Variants in CTBP2 observed in about 807,000 individuals in gnomAD.
CTBP2 encodes the protein C-terminal binding protein 2.
A neutral mutation model predicts 80.3 loss-of-function variants in CTBP2; 30 were observed. That is an observed-to-expected ratio of 0.37 (90% CI 0.28 to 0.51). The LOEUF (loss-of-function observed/expected upper bound fraction) is 0.51. Ranked by LOEUF, CTBP2 falls within the 20% of genes least tolerant of loss-of-function variation. The pLI, the probability that CTBP2 is intolerant of heterozygous loss-of-function variation, is 0.93. For synonymous variants in CTBP2, 594 were observed against 587.4 expected (o/e 1.01, Z -0.16); for missense variants, 1,212 against 1,375.3 (o/e 0.88, Z 1.88).
chr10:125,065,587 G>C (rs538300888), intron 2 of CTBP2, among the ~76,000 whole-genome samples: 2 of 152,192 alleles, frequency 1.3e-5, no homozygotes, highest in East Asian at 3.9e-4. Flanking sequence ...TGTTTTTGTG[G>C]GTCTCTGAGC....
intron 2 of CTBP2, among the ~76,000 whole-genome samples, chr10:125,060,463 CGTGT>C (rs56032803): frequency 0.13 from 18,745 of 147,746 alleles, 1,466 homozygotes; most frequent in African/African-American, 0.23. Flanking sequence ...ATTCCCCCCA[CGTGT>C]GTGTGTGTGT....
At chr10:125,103,412 TAGTC>T (rs1297702256) in intron 2 of CTBP2, among the ~76,000 whole-genome samples, 2 of 152,220 alleles carry the variant, frequency 1.3e-5, no homozygotes, top group Admixed American at 6.5e-5. Flanking sequence ...TCTAAGTTCG[TAGTC>T]AGAGTCCTGC....
At chr10:125,161,069 G>C (rs1207448376), upstream of CTBP2, 8 of 74,818 alleles carry the variant, frequency 1.1e-4, no homozygotes, top group African/African-American at 5.8e-4. Context: ...CCTGTTTTTG[G>C]GGGGGGGGGG....
chr10:124,991,428 CAG>C (rs1423086367), intron 8 of CTBP2, among the ~76,000 whole-genome samples: 4 of 152,202 alleles, frequency 2.6e-5, no homozygotes, highest in East Asian at 1.9e-4. Context: ...CTCCACCCAA[CAG>C]GGGAATCTGG....
intron 2 of CTBP2, among the ~76,000 whole-genome samples, chr10:125,050,225 G>C (rs1962386176): frequency 6.6e-6 from 1 of 152,152 alleles, no homozygotes; most frequent in Non-Finnish European, 1.5e-5. Context: ...CAGCATCATG[G>C]GGCACCGGTA....
intron 1 of CTBP2, among the ~76,000 whole-genome samples, chr10:125,157,717 C>G (rs1052773349): frequency 3.3e-5 from 5 of 152,168 alleles, no homozygotes; most frequent in African/African-American, 1.2e-4. Flanking sequence ...TTTGTTTGCT[C>G]ATGTTATACT....
rs1850389782 is a variant in CTBP2 at position 125,100,144 on chromosome 10, T to C, written c.-102+10846A>G. On this transcript the variant is annotated intron_variant, in intron 2 of 10. Coordinates refer to the CTBP2 transcript ENST00000337195. ...ACATCAATTAGCATATTATAAAGAA[T>C]TTACTTCCATTTTCCCTTGACAGAT... Among the ~76,000 whole-genome samples the C allele has an allele frequency of 2.6e-5, 4 of 152,282 alleles. 1 individual carries two copies. In the South Asian group the frequency reaches 8.3e-4, roughly 32 times the overall value.
intron 2 of CTBP2, among the ~76,000 whole-genome samples, chr10:125,081,573 C>T (rs1847176874): frequency 6.6e-6 from 1 of 151,916 alleles, no homozygotes; most frequent in Admixed American, 6.6e-5. Flanking sequence ...GGTAAAATGT[C>T]ATTTGGAGAG....
At chr10:125,046,006 G>GCTACAATC (rs1303894455) in intron 2 of CTBP2, among the ~76,000 whole-genome samples, 1 of 151,962 alleles carries the variant, frequency 6.6e-6, no homozygotes, top group Non-Finnish European at 1.5e-5. Context: ...CCAACACAGG[G>GCTACAATC]CTACAATCCA....
At position 124,987,190 on chromosome 10, in the gene CTBP2, A is replaced by AAGAT. The variant is rs35084073; in HGVS notation, c.*2324_*2327dup. 0.16 allele frequency: 24,781 copies of AAGAT among 152,402 alleles called. 2,071 individuals carry two copies. The highest frequency in any genetic ancestry group is 0.22 in the African/African-American group (8,986 of 41,412). 9.4% of individuals were successfully genotyped at this position (152,402 alleles called of 1,614,324 possible). On this transcript the variant is annotated 3_prime_UTR_variant, in exon 9 of 9. Coordinates refer to ENST00000309035, the MANE Select transcript of CTBP2 (RefSeq NM_022802.3). Reference sequence around the variant, plus strand: ...TTAAAACAGCCATAATTATTGTCCCAAGATAGAATATAGTCCTTTTTCAAA... The same window carrying AAGAT: ...TTAAAACAGCCATAATTATTGTCCCAAGATAGATAGAATATAGTCCTTTTTCAAA...
At position 125,098,754 on chromosome 10, in the gene CTBP2, GAGAGAGAGAGAGAGAGAGAGAGAGAC is replaced by G. The variant is rs1850115190; in HGVS notation, c.-102+12210_-102+12235del. Among the ~76,000 whole-genome samples, 74 of 126,422 alleles carry G rather than the reference GAGAGAGAGAGAGAGAGAGAGAGAGAC, an allele frequency of 5.9e-4. 1 individual carries two copies. Among genetic ancestry groups the G allele is most frequent in the African/African-American group, 2.2e-3 (68 of 31,468 alleles). The allele number at this position is 126,422 out of a possible 152,430, so 82.9% of individuals were successfully genotyped here. On this transcript the variant is annotated intron_variant, in intron 2 of 10. Coordinates refer to the CTBP2 transcript ENST00000337195. The stretch of plus-strand genomic sequence containing the variant: ...AGAGAGAGAGAGAGAGAGAGACAGA[GAGAGAGAGAGAGAGAGAGAGAGAGAC>G]AGAGAGAGAGACAGAGAGACACCCA...
At chr10:125,101,991 C>CT (rs1290645854) in intron 2 of CTBP2, among the ~76,000 whole-genome samples, 2 of 152,222 alleles carry the variant, frequency 1.3e-5, no homozygotes, top group African/African-American at 4.8e-5. Context: ...ATCAGCCTCC[C>CT]TCGTCAGTCC....
chr10:125,012,219 C>G (rs1956005346), intron 1 of CTBP2, among the ~76,000 whole-genome samples: 1 of 152,198 alleles, frequency 6.6e-6, no homozygotes, highest in African/African-American at 2.4e-5. Flanking sequence ...TCCCTGGGCT[C>G]CGGGAGGGAG....
intron 2 of CTBP2, among the ~76,000 whole-genome samples, chr10:125,049,428 A>C (rs3012066): frequency 0.31 from 47,554 of 151,982 alleles, 7,617 homozygotes; most frequent in South Asian, 0.42. Context: ...GGGAGCCCCC[A>C]CCTGAGCTCC....
At chr10:125,062,215 A>G (rs958301529) in intron 2 of CTBP2, among the ~76,000 whole-genome samples, 1 of 151,896 alleles carries the variant, frequency 6.6e-6, no homozygotes, top group Non-Finnish European at 1.5e-5. Flanking sequence ...GTTCTGGACT[A>G]CTAGAAAGAG....
At chr10:125,038,045 G>A (rs539217659) in intron 3 of CTBP2, among the ~76,000 whole-genome samples, 5 of 152,316 alleles carry the variant, frequency 3.3e-5, no homozygotes, top group African/African-American at 1.2e-4. Flanking sequence ...CTGAACCCCA[G>A]GAATGTCAGT....
intron 1 of CTBP2, among the ~76,000 whole-genome samples, chr10:125,114,204 G>A (rs922123106): frequency 6.6e-5 from 10 of 152,170 alleles, no homozygotes; most frequent in African/African-American, 2.2e-4. Flanking sequence ...AGCTGAAGTG[G>A]CCTCAGCGTG....
At chr10:125,043,869 T>C (rs577725492) in intron 2 of CTBP2, among the ~76,000 whole-genome samples, 9 of 152,228 alleles carry the variant, frequency 5.9e-5, no homozygotes, top group Non-Finnish European at 1.2e-4. Context: ...CAGTTAAACA[T>C]GATGATGGCT....
At chr10:125,160,987 C>T (rs983425974), upstream of CTBP2, 9 of 150,776 alleles carry the variant, frequency 6.0e-5, no homozygotes, top group Non-Finnish European at 1.0e-4. Flanking sequence ...GGCCGCAGCT[C>T]CCGGTACCCG....
Sources: allele counts gnomAD v4.1 joint callset (sites outside exome capture counted in the v4.1 genomes callset), GRCh38; gene constraint gnomAD v4.1.1; transcripts MANE v1.5; gene names NCBI Gene and HGNC (gene_info 2026-07-23, HGNC 2026-07-21).